Variants in AFAP1 observed in about 807,000 individuals in gnomAD.
AFAP1 encodes the protein actin filament associated protein 1, also known as actin filament-associated protein 1.
AFAP1 carries 75 observed loss-of-function variants against 93.9 expected under a neutral mutation model. The ratio of observed to expected loss-of-function variants is 0.80; its 90% CI spans 0.66 to 0.97. The LOEUF (loss-of-function observed/expected upper bound fraction) is 0.97. Ranked by LOEUF, AFAP1 falls within the 50% of genes least tolerant of loss-of-function variation. AFAP1 has a pLI of 0.00. For synonymous variants in AFAP1, 517 were observed against 430.7 expected, an observed-to-expected ratio of 1.20 and a Z score of -2.48; for missense variants, 1,201 against 1,050.8, an observed-to-expected ratio of 1.14 and a Z score of -1.98.
At chr4:7,928,967 C>T (rs567079252) in intron 1 of AFAP1, among the ~76,000 whole-genome samples, 3 of 152,318 alleles carry the variant, frequency 2.0e-5, no homozygotes, top group South Asian at 4.1e-4. Flanking sequence ...CTGGTTGCTG[C>T]CCCTAAGGCT....
chr4:7,797,634 A>G (rs1445818221), intron 10 of AFAP1, among the ~76,000 whole-genome samples: 4 of 152,206 alleles, frequency 2.6e-5, no homozygotes, highest in Non-Finnish European at 5.9e-5. Context: ...GCGGACTACA[A>G]CACACAGGCT....
At chr4:7,862,332 C>G (rs1367790897) in intron 3 of AFAP1, 1 of 123,544 alleles carries the variant, frequency 8.1e-6, no homozygotes, top group South Asian at 2.7e-4. Flanking sequence ...GACTCTGTCT[C>G]AAAAAAACAA....
intron 1 of AFAP1, among the ~76,000 whole-genome samples, chr4:7,935,146 G>T (rs1007039437): frequency 2.6e-5 from 4 of 151,226 alleles, no homozygotes; most frequent in Non-Finnish European, 4.4e-5. Flanking sequence ...TTCTTAATGG[G>T]TTTTTTTTTA....
intron 11 of AFAP1, among the ~76,000 whole-genome samples, chr4:7,793,173 T>TAAAA (rs5855979): frequency 2.0e-5 from 3 of 150,514 alleles, no homozygotes; most frequent in Admixed American, 6.6e-5. Flanking sequence ...TTTTTTTTTT[T>TAAAA]AAAAAAATCA....
At chr4:7,910,964 T>C (rs888431033) in intron 1 of AFAP1, among the ~76,000 whole-genome samples, 4 of 152,066 alleles carry the variant, frequency 2.6e-5, no homozygotes, top group Non-Finnish European at 5.9e-5. Flanking sequence ...TGGATCTTCT[T>C]CCTCTCACTT....
At chr4:7,870,653 T>C (rs183479419) in intron 2 of AFAP1, among the ~76,000 whole-genome samples, 38 of 151,970 alleles carry the variant, frequency 2.5e-4, no homozygotes, top group Admixed American at 2.3e-3. Flanking sequence ...TGAGACCCTG[T>C]CTCAAAGAAA....
chr4:7,864,117 C>A (rs62289328), intron 3 of AFAP1, among the ~76,000 whole-genome samples: 196 of 2,664 alleles, frequency 0.074, no homozygotes, highest in East Asian at 0.19. Context: ...CCATCACAAC[C>A]CATTCCCAAC....
intron 1 of AFAP1, among the ~76,000 whole-genome samples, chr4:7,908,946 C>G (rs1329566782): frequency 6.6e-6 from 1 of 150,922 alleles, no homozygotes; most frequent in Admixed American, 6.7e-5. Flanking sequence ...GCTCCAACTT[C>G]TAGAGGCAAC....
chr4:7,815,968 TTTG>T, intron 8 of AFAP1, 47 bp downstream of exon 8: 1 of 1,517,730 alleles, frequency 6.6e-7, no homozygotes, highest in Non-Finnish European at 8.9e-7. Flanking sequence ...GATTTTTGTT[TTTG>T]TTTTTTTTTT....
At chr4:7,770,344 C>T (rs1200870061) in intron 16 of AFAP1, among the ~76,000 whole-genome samples, 11 of 152,282 alleles carry the variant, frequency 7.2e-5, no homozygotes, top group African/African-American at 1.2e-4. Flanking sequence ...TGCCGAAGGG[C>T]ACCGGAACCG....
rs565671775 is a variant in AFAP1, at chr4:7,761,885, C to G, written c.*1880G>C. ...CAGCGGACGGCCCTGAGGTGTGTGGCGTCCCCGCCCGACCTGCCTGGATGT... is the reference window on the plus strand; with the variant it reads ...CAGCGGACGGCCCTGAGGTGTGTGGGGTCCCCGCCCGACCTGCCTGGATGT... On this transcript the variant is annotated 3_prime_UTR_variant, in exon 18 of 18. Coordinates refer to ENST00000420658, the MANE Select transcript of AFAP1 (RefSeq NM_001134647.2). 6.6e-6 allele frequency: 1 copy of G among 152,296 alleles called. No homozygotes were observed. The highest frequency in any genetic ancestry group is 1.5e-5 in the Non-Finnish European group (1 of 68,140). 9.4% of individuals were successfully genotyped at this position (152,296 alleles called of 1,614,324 possible).
At chr4:7,821,180 T>C (rs569668154) in intron 6 of AFAP1, among the ~76,000 whole-genome samples, 46 of 152,296 alleles carry the variant, frequency 3.0e-4, no homozygotes, top group African/African-American at 1.1e-3. Context: ...AAGTATTTAA[T>C]CTCTCAGAGC....
chr4:7,770,260 G>A (rs1295021895), intron 16 of AFAP1, among the ~76,000 whole-genome samples: 1 of 152,236 alleles, frequency 6.6e-6, no homozygotes, highest in East Asian at 1.9e-4. Context: ...AGGAGCTGGA[G>A]AAGGGGCCAG....
intron 6 of AFAP1, among the ~76,000 whole-genome samples, chr4:7,826,441 C>CA (rs1238016320): frequency 6.6e-6 from 1 of 152,228 alleles, no homozygotes; most frequent in Non-Finnish European, 1.5e-5. Flanking sequence ...CAGCTGGAGA[C>CA]AGAGCACAGC....
chr4:7,787,025 G>A (rs537999835), intron 11 of AFAP1, among the ~76,000 whole-genome samples: 50 of 152,352 alleles, frequency 3.3e-4, no homozygotes, highest in Middle Eastern at 3.4e-3. Context: ...TTTAGAAGGT[G>A]TGCTACTGTG....
intron 1 of AFAP1, among the ~76,000 whole-genome samples, chr4:7,895,344 T>G (rs1718703568): frequency 6.6e-6 from 1 of 152,114 alleles, no homozygotes; most frequent in South Asian, 2.1e-4. Context: ...TCGTAAGAAG[T>G]CTCCAATAAA....
intron 17 of AFAP1, among the ~76,000 whole-genome samples, chr4:7,765,897 A>C (rs1404128513): frequency 1.3e-5 from 2 of 152,196 alleles, no homozygotes; most frequent in Non-Finnish European, 2.9e-5. Context: ...AGCCCCGACC[A>C]CAGCGCCCGG....
intron 6 of AFAP1, among the ~76,000 whole-genome samples, chr4:7,835,245 C>T (rs1484261049): frequency 7.4e-5 from 2 of 27,104 alleles, no homozygotes; most frequent in African/African-American, 1.2e-4. Context: ...GAATGGACTG[C>T]GGGCGGCCTT....
At chr4:7,863,053 T>C (rs896783165) in intron 3 of AFAP1, among the ~76,000 whole-genome samples, 9 of 152,218 alleles carry the variant, frequency 5.9e-5, no homozygotes, top group African/African-American at 1.9e-4. Flanking sequence ...AACACTCTTT[T>C]AGCACTTGCT....
Sources: gnomAD v4.1 joint callset for allele counts (sites outside exome capture counted in the v4.1 genomes callset) on GRCh38, gnomAD v4.1.1 for gene constraint, MANE v1.5 for transcripts, NCBI Gene and HGNC (gene_info 2026-07-23, HGNC 2026-07-21) for gene names.